The following SYK variants were observed in gnomAD, a reference collection of about 807,000 sequenced individuals.
The protein encoded by SYK is tyrosine-protein kinase SYK.
SYK carries 16 observed loss-of-function variants against 77.8 expected under a neutral mutation model. That is an observed-to-expected ratio of 0.21 (90% confidence interval 0.14 to 0.31). The LOEUF is 0.31. Among genes scored for constraint, SYK ranks in the 10% least tolerant of loss-of-function variants. The pLI is 1.00. For synonymous variants in SYK, 312 were observed against 308.7 expected, an observed-to-expected ratio of 1.01 and a Z score of -0.11; for missense variants, 529 against 814.4, an observed-to-expected ratio of 0.65 and a Z score of 4.26.
At chr9:90,828,527 C>T (rs1181355074) in intron 1 of SYK, among the ~76,000 whole-genome samples, 1 of 152,116 alleles carries the variant, frequency 6.6e-6, no homozygotes, top group Non-Finnish European at 1.5e-5. Context: ...CTTGGCCCCA[C>T]TCAGGGTCAA....
Position 90,865,035 on chromosome 9 carries a change from T to G in SYK, c.797-13T>G, listed in dbSNP as rs1419383896. On this transcript the variant is annotated splice_polypyrimidine_tract_variant and intron_variant, in intron 5 of 13. Transcript: ENST00000375754. ...CAGATAGAGCAGTAATTGTCCATGC[T>G]CTCTCTAACCAGGAAATGTTAATTT... 2.5e-6 allele frequency: 4 copies of G among 1,613,954 alleles called. No individual in the cohort carries two copies. The highest frequency in any genetic ancestry group is 3.4e-6 in the Non-Finnish European group (4 of 1,179,882).
chr9:90,878,961 C>T lies in SYK; in HGVS notation c.1581+8C>T. On this transcript the variant is annotated splice_region_variant and intron_variant, in intron 11 of 13. Coordinates refer to ENST00000375754, the MANE Select transcript of SYK (RefSeq NM_003177.7). ...GATGAAAACTACTACAAGGTAAGTA[C>T]AACTTAGCTAATATTCAGAGCAGCA... 1 of 1,585,710 alleles carries T rather than the reference C, an allele frequency of 6.3e-7. No individual in the cohort carries two copies. The highest frequency in any genetic ancestry group is 8.7e-7 in the Non-Finnish European group (1 of 1,155,726).
chr9:90,816,826 C>T (rs1825308558), intron 1 of SYK, among the ~76,000 whole-genome samples: 1 of 152,212 alleles, frequency 6.6e-6, no homozygotes, highest in African/African-American at 2.4e-5. Context: ...TTTCACTTTA[C>T]ATAACTTTCT....
At chr9:90,809,153 T>G (rs1824973766) in intron 1 of SYK, among the ~76,000 whole-genome samples, 1 of 152,166 alleles carries the variant, frequency 6.6e-6, no homozygotes, top group African/African-American at 2.4e-5. Context: ...TCGCAGGCCT[T>G]GGCGTTAGGT....
In SYK at chr9:90,896,158, C is replaced by G. The variant is rs199807708; in HGVS notation, c.*558C>G. The G allele has an allele frequency of 1.1e-4, 26 of 232,378 alleles. No homozygotes were observed. The highest frequency in any genetic ancestry group is 1.2e-3 in the Middle Eastern group (1 of 806). 14.4% of individuals were successfully genotyped at this position (232,378 alleles called of 1,614,324 possible). On this transcript the variant is annotated 3_prime_UTR_variant, in exon 14 of 14. Coordinates refer to ENST00000375754, the MANE Select transcript of SYK (RefSeq NM_003177.7). ...GCTTTAAAAAGAAAATCAAGTTTGACCAGTGCAGTTTCTAAGCATGTAGCC... is the reference window on the plus strand; with the variant it reads ...GCTTTAAAAAGAAAATCAAGTTTGAGCAGTGCAGTTTCTAAGCATGTAGCC...
chr9:90,862,389 C>T (rs117589960), intron 4 of SYK, 45 bp downstream of exon 4: 5 of 1,587,488 alleles, frequency 3.1e-6, no homozygotes, highest in African/African-American at 2.7e-5. Flanking sequence ...GTACAGGGCA[C>T]GTGGGGCTCC....
At chr9:90,884,203 GTGTATATATACACGCATATACA>G (rs1828289352) in intron 11 of SYK, among the ~76,000 whole-genome samples, 7 of 148,534 alleles carry the variant, frequency 4.7e-5, no homozygotes, top group Non-Finnish European at 4.5e-5. Flanking sequence ...ATACACATAC[GTGTATATATACACGCATATACA>G]CATACACATA....
intron 1 of SYK, among the ~76,000 whole-genome samples, chr9:90,820,743 A>T (rs1338619854): frequency 6.6e-6 from 1 of 152,214 alleles, no homozygotes; most frequent in Non-Finnish European, 1.5e-5. Context: ...TTGGGGATTA[A>T]CATTAGGCTC....
chr9:90,841,220 G>A (rs187469019), intron 1 of SYK, among the ~76,000 whole-genome samples: 2 of 151,760 alleles, frequency 1.3e-5, no homozygotes, highest in East Asian at 3.9e-4. Context: ...AGTGTGTTGT[G>A]TGTCGTGTGT....
At chr9:90,829,359 G>A (rs569151409) in intron 1 of SYK, among the ~76,000 whole-genome samples, 1 of 152,228 alleles carries the variant, frequency 6.6e-6, no homozygotes, top group African/African-American at 2.4e-5. Flanking sequence ...CTATTTGCTG[G>A]GTCTGAGGTG....
intron 1 of SYK, among the ~76,000 whole-genome samples, chr9:90,815,543 A>G (rs998518445): frequency 7.9e-5 from 12 of 152,246 alleles, no homozygotes; most frequent in Non-Finnish European, 1.3e-4. Flanking sequence ...GCCTGACTCC[A>G]GGAAGTGCAG....
At position 90,818,262 on chromosome 9, in the gene SYK, GT is replaced by G. The variant is rs370173865; in HGVS notation, c.-42+16372del. Among the ~76,000 whole-genome samples the G allele has an allele frequency of 2.6e-3, 396 of 152,324 alleles. 5 individuals carry two copies. The South Asian group carries it at 0.04, about 15-fold the overall frequency. On this transcript the variant is annotated intron_variant, in intron 1 of 13. Transcript: ENST00000375754. ...CACCCAAGCAATCTGATATTTTGATGTTTATCTTACAGAGTGACTTAGAGTA... is the reference window on the plus strand; with the variant it reads ...CACCCAAGCAATCTGATATTTTGATGTTATCTTACAGAGTGACTTAGAGTA...
chr9:90,880,411 C>T (rs1490180707), intron 11 of SYK, among the ~76,000 whole-genome samples: 1 of 152,148 alleles, frequency 6.6e-6, no homozygotes, highest in Non-Finnish European at 1.5e-5. Context: ...AGAAGGAAGC[C>T]CCTTCAGAGG....
chr9:90,846,699 TA>T (rs3056977), intron 3 of SYK, among the ~76,000 whole-genome samples: 3,437 of 129,010 alleles, frequency 0.027, 53 homozygotes, highest in Admixed American at 0.042. Flanking sequence ...ACAATACTCT[TA>T]AAAAAAAAAA....
At chr9:90,827,936 A>G (rs1341598725) in intron 1 of SYK, among the ~76,000 whole-genome samples, 4 of 151,838 alleles carry the variant, frequency 2.6e-5, no homozygotes, top group African/African-American at 9.7e-5. Flanking sequence ...GTCCTGAGTC[A>G]CCCACAATTA....
intron 1 of SYK, among the ~76,000 whole-genome samples, chr9:90,839,619 T>C (rs1826219414): frequency 6.6e-6 from 1 of 152,114 alleles, no homozygotes; most frequent in Non-Finnish European, 1.5e-5. Context: ...ATAGTAGCTA[T>C]GTTAAGATTT....
chr9:90,862,388 A>T (rs2118785987), intron 4 of SYK, 44 bp downstream of exon 4: 1 of 1,591,374 alleles, frequency 6.3e-7, no homozygotes, highest in East Asian at 2.2e-5. Context: ...AGTACAGGGC[A>T]CGTGGGGCTC....
At position 90,885,215 on chromosome 9, in the gene SYK, CA is replaced by C. The variant is rs1242087788; in HGVS notation, c.1582-2530del. 2.0e-5 allele frequency among the ~76,000 whole-genome samples: 3 copies of C among 151,584 alleles called. No homozygotes were observed. The East Asian group carries it at 5.8e-4, about 29-fold the overall frequency. On this transcript the variant is annotated intron_variant, in intron 11 of 13. Transcript: ENST00000375754. ...TTCACAAAACCCCAGATGAACAATT[CA>C]AAATATTGATTTTAAAGAAGCTAAA...
At chr9:90,810,020 T>TC (rs1405222019) in intron 1 of SYK, among the ~76,000 whole-genome samples, 1 of 152,100 alleles carries the variant, frequency 6.6e-6, no homozygotes. Context: ...AGGGATGATT[T>TC]CCCCAAAGAA....
Sources: gnomAD v4.1 joint callset for allele counts (sites outside exome capture counted in the v4.1 genomes callset) on GRCh38, gnomAD v4.1.1 for gene constraint, MANE v1.5 for transcripts, NCBI Gene and HGNC (gene_info 2026-07-23, HGNC 2026-07-21) for gene names.